CYFIP1: variants seen among roughly 807,000 people sequenced by gnomAD.
CYFIP1 encodes cytoplasmic FMR1-interacting protein 1.
In CYFIP1, 58 loss-of-function variants were observed where a neutral mutation model predicts 163.5. The ratio of observed to expected loss-of-function variants is 0.35; its 90% confidence interval spans 0.29 to 0.44. The LOEUF (loss-of-function observed/expected upper bound fraction) is 0.44. Among genes scored for constraint, CYFIP1 ranks in the 20% least tolerant of loss-of-function variants. The pLI, the probability that CYFIP1 is intolerant of heterozygous loss-of-function variation, is 1.00. For synonymous variants in CYFIP1, 663 were observed against 660.7 expected, an observed-to-expected ratio of 1.00 and a Z score of -0.05; for missense variants, 1,338 against 1,653.8, an observed-to-expected ratio of 0.81 and a Z score of 3.31.
intron 21 of CYFIP1, chr15:22,904,210 C>T: frequency 2.2e-6 from 1 of 453,700 alleles, no homozygotes. Context: ...CCCCCATGTG[C>T]CCGCTGAGCC....
intron 6 of CYFIP1, among the ~76,000 whole-genome samples, chr15:22,941,586 CT>C (rs2061894644): frequency 6.6e-6 from 1 of 151,838 alleles, no homozygotes; most frequent in Admixed American, 6.6e-5. Flanking sequence ...GGGTGATGGT[CT>C]GGGAAGGTTA....
chr15:22,956,772 C>A (rs549555151), intron 1 of CYFIP1, among the ~76,000 whole-genome samples: 1 of 152,186 alleles, frequency 6.6e-6, no homozygotes, highest in Non-Finnish European at 1.5e-5. Context: ...CGGGCCCAGG[C>A]TCCCAAGATG....
At chr15:22,875,440 G>A in intron 26 of CYFIP1, 169 bp from the exon 27 acceptor site, 1 of 666,084 alleles carries the variant, frequency 1.5e-6, no homozygotes, top group East Asian at 2.6e-5. Context: ...CGTCTGTCCT[G>A]TCCATTCCGG....
intron 11 of CYFIP1, among the ~76,000 whole-genome samples, chr15:22,929,350 A>G (rs866830954): frequency 1.1e-4 from 16 of 152,022 alleles, no homozygotes; most frequent in Non-Finnish European, 1.9e-4. Context: ...AGACTAGATT[A>G]TGACCGGGTG....
chr15:22,906,087 C>T (rs913292666), intron 21 of CYFIP1, among the ~76,000 whole-genome samples: 10 of 151,074 alleles, frequency 6.6e-5, no homozygotes, highest in African/African-American at 9.7e-5. Context: ...TTCTTTTTTC[C>T]AATAACCTTA....
chr15:22,941,531 A>G (rs573570516), intron 6 of CYFIP1, among the ~76,000 whole-genome samples: 2 of 151,774 alleles, frequency 1.3e-5, no homozygotes, highest in Admixed American at 6.6e-5. Context: ...AGGTGCCAAA[A>G]GAGCTAGATG....
intron 13 of CYFIP1, 72 bp from the exon 14 acceptor site, chr15:22,918,930 C>G: frequency 7.9e-7 from 1 of 1,261,076 alleles, no homozygotes; most frequent in Non-Finnish European, 1.1e-6. Context: ...TGGCACATGC[C>G]GGGGGCTGCT....
chr15:22,933,717 C>T, intron 10 of CYFIP1, 85 bp downstream of exon 10: 1 of 974,240 alleles, frequency 1.0e-6, no homozygotes, highest in South Asian at 1.4e-5. Context: ...AGTGTTATCT[C>T]TAGACAAATA....
In CYFIP1 at chr15:22,926,116, G is replaced by A. The variant is rs1258497084; in HGVS notation, c.1234-9C>T. 4 of 1,613,958 alleles carry A rather than the reference G, an allele frequency of 2.5e-6. No homozygotes were observed. Among genetic ancestry groups the A allele is most frequent in the African/African-American group, 2.7e-5 (2 of 74,900 alleles). On this transcript the variant is annotated splice_polypyrimidine_tract_variant and intron_variant, in intron 12 of 30. Coordinates refer to ENST00000617928, the MANE Select transcript of CYFIP1 (RefSeq NM_014608.6). ...ACAAGCTTCCAGGAATACTGTGGTG[G>A]CCGAAAGAGCAGAGGTGTTCCATAT...
In CYFIP1 at chr15:22,903,597, G is replaced by C. The variant is rs139185552; in HGVS notation, c.2588+109C>G. On this transcript the variant is annotated intron_variant, in intron 22 of 30. Coordinates refer to ENST00000617928, the MANE Select transcript of CYFIP1 (RefSeq NM_014608.6). ...GTGCTCTTCATGTGAGAAGTGATGGGGAGCAGCAAGAGCAGGGAGACAGGG... is the reference window on the plus strand; with the variant it reads ...GTGCTCTTCATGTGAGAAGTGATGGCGAGCAGCAAGAGCAGGGAGACAGGG... The C allele has an allele frequency of 3.9e-5, 45 of 1,158,204 alleles. No individual in the cohort carries two copies. The East Asian group carries it at 4.2e-4, about 11-fold the overall frequency. The allele number at this position is 1,158,204 out of a possible 1,614,324, so 71.7% of individuals were successfully genotyped here.
At chr15:22,876,492 G>A (rs1347426179) in intron 26 of CYFIP1, among the ~76,000 whole-genome samples, 1 of 151,784 alleles carries the variant, frequency 6.6e-6, no homozygotes, top group Non-Finnish European at 1.5e-5. Flanking sequence ...AATTATTTAT[G>A]TCCATGAGTC....
At chr15:22,893,020 A>C (rs200951998) in intron 22 of CYFIP1, 43 bp from the exon 23 acceptor site, 1 of 1,441,876 alleles carries the variant, frequency 6.9e-7, no homozygotes, top group East Asian at 2.3e-5. Flanking sequence ...ACCAAATTTA[A>C]CAATAGTTCT....
At chr15:22,964,407 A>ACACACACC (rs2039899377) in intron 1 of CYFIP1, among the ~76,000 whole-genome samples, 1 of 135,600 alleles carries the variant, frequency 7.4e-6, no homozygotes, top group Admixed American at 7.4e-5. Flanking sequence ...ACACACACAC[A>ACACACACC]CCCGGCAGCC....
intron 22 of CYFIP1, among the ~76,000 whole-genome samples, chr15:22,903,057 C>T (rs2060448387): frequency 6.6e-6 from 1 of 152,188 alleles, no homozygotes; most frequent in African/African-American, 2.4e-5. Context: ...CACACACCTG[C>T]ACTCCTCTAC....
intron 23 of CYFIP1, among the ~76,000 whole-genome samples, chr15:22,884,534 C>T (rs2059876712): frequency 6.6e-6 from 1 of 152,208 alleles, no homozygotes; most frequent in African/African-American, 2.4e-5. Flanking sequence ...GGCAGCTCCA[C>T]CCTGTGGCTT....
In CYFIP1 at chr15:22,892,910, G is replaced by A. The variant is rs371343678; in HGVS notation, c.2656C>T (p.Gln886Ter). The change falls in exon 23 of 31, where the codon CAG (glutamine) becomes TAG (stop). Residue 886 changes from glutamine to a stop codon, truncating the protein, a stop_gained. Transcript: ENST00000617928. LOFTEE classifies it high-confidence loss of function. ...CCTACCTTGGATCCATGCAGATACT[G>A]AGGCTGTGCATTAGGCTGCTTATCT... ...QRDKQPNAQP[Q>*]YLHGSKALNL... is the part of the protein sequence containing the mutation. The A allele has an allele frequency of 1.9e-6, 3 of 1,612,980 alleles. No individual in the cohort carries two copies. The African/African-American group carries it at 4.0e-5, about 22-fold the overall frequency.
At chr15:22,968,911 T>G (rs1479539612) in intron 1 of CYFIP1, among the ~76,000 whole-genome samples, 1 of 152,176 alleles carries the variant, frequency 6.6e-6, no homozygotes, top group Non-Finnish European at 1.5e-5. Flanking sequence ...GATTCAAATG[T>G]AATGCAGAAC....
chr15:22,935,840 T>C (rs1488204799), intron 9 of CYFIP1, among the ~76,000 whole-genome samples: 1 of 152,202 alleles, frequency 6.6e-6, no homozygotes, highest in Non-Finnish European at 1.5e-5. Context: ...TTAGCTTGAA[T>C]TCATCATTTC....
chr15:22,874,142 T>G (rs973480395), intron 28 of CYFIP1, among the ~76,000 whole-genome samples: 1 of 152,180 alleles, frequency 6.6e-6, no homozygotes, highest in African/African-American at 2.4e-5. Context: ...GCCCCCACCA[T>G]AGAGTTATCT....
Sources: gnomAD v4.1 joint callset for allele counts (sites outside exome capture counted in the v4.1 genomes callset) on GRCh38, gnomAD v4.1.1 for gene constraint, MANE v1.5 for transcripts, NCBI Gene and HGNC (gene_info 2026-07-23, HGNC 2026-07-21) for gene names.